Variants in TBX5 observed in about 807,000 individuals in gnomAD.
The protein encoded by TBX5 is T-box transcription factor TBX5.
Under a neutral mutation model 51.1 loss-of-function variants are expected in TBX5, and 8 were observed. The observed-to-expected ratio is 0.16, with a 90% confidence interval of 0.09 to 0.28. The LOEUF is 0.28. TBX5 is among the 10% of genes least tolerant of loss of function. The pLI is 1.00. For missense variants in TBX5, 589 were observed against 671.7 expected, an observed-to-expected ratio of 0.88 and a Z score of 1.36; for synonymous variants, 302 against 266.4, an observed-to-expected ratio of 1.13 and a Z score of -1.30.
chr12:114,377,235 G>C (rs1164252217), intron 7 of TBX5, among the ~76,000 whole-genome samples: 1 of 152,146 alleles, frequency 6.6e-6, no homozygotes, highest in Non-Finnish European at 1.5e-5. Context: ...ACAAGCATGA[G>C]AACACAAGAG....
chr12:114,377,112 T>A (rs1187859246), intron 7 of TBX5, among the ~76,000 whole-genome samples: 1 of 152,224 alleles, frequency 6.6e-6, no homozygotes, highest in Non-Finnish European at 1.5e-5. Flanking sequence ...GGAAGCCATG[T>A]GGCTAGGTAA....
At chr12:114,386,795 T>G (rs1203668690) in intron 6 of TBX5, among the ~76,000 whole-genome samples, 4 of 152,118 alleles carry the variant, frequency 2.6e-5, no homozygotes, top group Admixed American at 1.3e-4. Flanking sequence ...AAGATAATTT[T>G]AAAAAGAACA....
In TBX5 at chr12:114,370,293, A is replaced by AAAAGAAAAGAAAAGAAAAGAAAAGAAAAC. The variant is rs1869811763; in HGVS notation, c.756-3903_756-3902insGTTTTCTTTTCTTTTCTTTTCTTTTCTTT. 1.0e-4 allele frequency among the ~76,000 whole-genome samples: 13 copies of AAAAGAAAAGAAAAGAAAAGAAAAGAAAAC among 128,726 alleles called. 2 individuals are homozygous for AAAAGAAAAGAAAAGAAAAGAAAAGAAAAC. The highest frequency in any genetic ancestry group is 3.9e-4 in the African/African-American group (13 of 33,746). The allele number at this position is 128,726 out of a possible 152,430, so 84.4% of individuals were successfully genotyped here. A position where few individuals can be genotyped will look rare whatever the true frequency, so the allele number is the denominator to read the frequency against. On this transcript the variant is annotated intron_variant, in intron 7 of 8. Transcript: ENST00000405440. ...GAAAAGAAAAGAAAAGAAAAGAAAG[A>AAAAGAAAAGAAAAGAAAAGAAAAGAAAAC]AAAGAAAAGAAAAGAAAAGAAAGAA...
chr12:114,360,156 C>CA (rs1227567683), intron 8 of TBX5, among the ~76,000 whole-genome samples: 9 of 152,204 alleles, frequency 5.9e-5, no homozygotes, highest in African/African-American at 9.6e-5. Flanking sequence ...CCCTGAAACT[C>CA]AGAGTAGTAA....
intron 5 of TBX5, among the ~76,000 whole-genome samples, chr12:114,398,277 G>C (rs1393210916): frequency 1.3e-5 from 2 of 152,146 alleles, no homozygotes; most frequent in East Asian, 3.9e-4. Flanking sequence ...CTGTGTAGGA[G>C]AGTAGTGGAG....
intron 6 of TBX5, among the ~76,000 whole-genome samples, chr12:114,388,444 A>T (rs1459283740): frequency 6.6e-6 from 1 of 152,150 alleles, no homozygotes; most frequent in Non-Finnish European, 1.5e-5. Flanking sequence ...GGCGTGAGCC[A>T]CCATGCCCAG....
intron 7 of TBX5, among the ~76,000 whole-genome samples, chr12:114,380,117 G>C (rs985990741): frequency 6.6e-6 from 1 of 152,004 alleles, no homozygotes; most frequent in Non-Finnish European, 1.5e-5. Context: ...ACAGATTCAG[G>C]TCCCATTCTC....
chr12:114,405,801 C>A lies in TBX5; in HGVS notation c.-212G>T. 5 of 985,448 alleles carry A rather than the reference C, an allele frequency of 5.1e-6. No individual in the cohort carries two copies. Among genetic ancestry groups the A allele is most frequent in the Non-Finnish European group, 6.0e-6 (5 of 830,016 alleles). 61.0% of individuals were successfully genotyped at this position (985,448 alleles called of 1,614,324 possible). A position where few individuals can be genotyped will look rare whatever the true frequency, so the allele number is the denominator to read the frequency against. On this transcript the variant is annotated 5_prime_UTR_variant, in exon 1 of 9. Transcript: ENST00000405440. ...GGCGCACCTACCGCTGGAGCCTCCG[C>A]GGCGACTGCCCACCTCCAACACACA...
intron 8 of TBX5, among the ~76,000 whole-genome samples, chr12:114,361,341 T>C (rs1869227762): frequency 1.3e-5 from 2 of 152,214 alleles, no homozygotes; most frequent in South Asian, 2.1e-4. Context: ...CCCCTTCCCC[T>C]CTCAATCTCT....
rs1269293514 is a variant in TBX5, at chr12:114,355,193, A to C, written c.*339T>G. 6 of 395,034 alleles carry C rather than the reference A, an allele frequency of 1.5e-5. No individual in the cohort carries two copies. Among genetic ancestry groups the C allele is most frequent in the Non-Finnish European group, 2.4e-5 (5 of 207,524 alleles). 24.5% of individuals were successfully genotyped at this position (395,034 alleles called of 1,614,324 possible). A position where few individuals can be genotyped will look rare whatever the true frequency, so the allele number is the denominator to read the frequency against. On this transcript the variant is annotated 3_prime_UTR_variant, in exon 9 of 9. Coordinates refer to ENST00000405440, the MANE Select transcript of TBX5 (RefSeq NM_181486.4). ...AGGGAAAAACACTCAATGAGGCAAG[A>C]CTTTCTAGAGCCCAAAAGAAGGAAT...
At chr12:114,398,853 C>T in intron 4 of TBX5, 133 bp from the exon 5 acceptor site, 6 of 1,149,238 alleles carry the variant, frequency 5.2e-6, no homozygotes, top group South Asian at 1.4e-5. Context: ...GAGGCTCTCC[C>T]GTCTCCCTTA....
At chr12:114,359,630 A>G (rs1355355626) in intron 8 of TBX5, among the ~76,000 whole-genome samples, 8 of 152,210 alleles carry the variant, frequency 5.3e-5, no homozygotes, top group Admixed American at 5.2e-4. Context: ...GGCACTGTAG[A>G]AAACCCTAGT....
chr12:114,382,832 T>C (rs1446034928), intron 7 of TBX5, among the ~76,000 whole-genome samples: 2 of 151,278 alleles, frequency 1.3e-5, no homozygotes, highest in Non-Finnish European at 2.9e-5. Flanking sequence ...AACATACAAA[T>C]TTAGTTGGGT....
intron 7 of TBX5, among the ~76,000 whole-genome samples, chr12:114,372,883 TCA>T (rs1256340706): frequency 1.3e-5 from 2 of 151,920 alleles, no homozygotes; most frequent in African/African-American, 4.8e-5. Context: ...TACCCAAGCC[TCA>T]GTCTTCTGTC....
At chr12:114,372,151 C>T (rs1297459001) in intron 7 of TBX5, among the ~76,000 whole-genome samples, 4 of 152,128 alleles carry the variant, frequency 2.6e-5, no homozygotes, top group African/African-American at 9.7e-5. Context: ...ACAATGTACA[C>T]TATTAAAGTG....
intron 7 of TBX5, among the ~76,000 whole-genome samples, chr12:114,383,372 G>A (rs1318576136): frequency 2.0e-5 from 3 of 152,198 alleles, no homozygotes; most frequent in African/African-American, 4.8e-5. Flanking sequence ...AAGAACACAG[G>A]TTTGAAGCCT....
At chr12:114,362,302 A>G (rs979558020) in intron 8 of TBX5, among the ~76,000 whole-genome samples, 1 of 152,170 alleles carries the variant, frequency 6.6e-6, no homozygotes, top group African/African-American at 2.4e-5. Flanking sequence ...ATGGACGTGC[A>G]CTGGTGGTAG....
chr12:114,370,084 G>GTC (rs1389401928), intron 7 of TBX5, among the ~76,000 whole-genome samples: 3 of 151,810 alleles, frequency 2.0e-5, no homozygotes, highest in Non-Finnish European at 4.4e-5. Flanking sequence ...ACGAAACCTT[G>GTC]TCTCTACTAA....
intron 8 of TBX5, among the ~76,000 whole-genome samples, chr12:114,358,975 C>A (rs1310177456): frequency 1.3e-5 from 2 of 152,044 alleles, no homozygotes; most frequent in East Asian, 1.9e-4. Context: ...CAGGGTGTTA[C>A]CCTTTTCAAT....
Sources: allele counts gnomAD v4.1 joint callset (sites outside exome capture counted in the v4.1 genomes callset), GRCh38; gene constraint gnomAD v4.1.1; transcripts MANE v1.5; gene names NCBI Gene and HGNC (gene_info 2026-07-23, HGNC 2026-07-21).